DLGAP2: variants seen among roughly 807,000 people sequenced by gnomAD.
DLGAP2 encodes DLG associated protein 2.
A neutral mutation model predicts 100.3 loss-of-function variants in DLGAP2; 26 were observed. The ratio of observed to expected loss-of-function variants is 0.26; its 90% CI spans 0.19 to 0.36. The LOEUF is 0.36. Among genes scored for constraint, DLGAP2 ranks in the 10% least tolerant of loss-of-function variants. The pLI, the probability that DLGAP2 is intolerant of heterozygous loss-of-function variation, is 1.00. For synonymous variants in DLGAP2, 886 were observed against 630.1 expected (o/e 1.41, Z -6.08); for missense variants, 1,858 against 1,453.2 (o/e 1.28, Z -4.53).
chr8:1,366,024 C>G (rs1802100416), intron 3 of DLGAP2, among the ~76,000 whole-genome samples: 1 of 152,212 alleles, frequency 6.6e-6, no homozygotes, highest in African/African-American at 2.4e-5. Flanking sequence ...TGGCTTCTGC[C>G]ACAGAGGTGC....
chr8:1,093,214 C>G (rs1473942495), intron 2 of DLGAP2, among the ~76,000 whole-genome samples: 1 of 152,242 alleles, frequency 6.6e-6, no homozygotes. Flanking sequence ...CTAAAAAACA[C>G]CTTCACACCA....
chr8:1,504,408 A>G (rs907164947), intron 4 of DLGAP2, among the ~76,000 whole-genome samples: 2 of 152,200 alleles, frequency 1.3e-5, no homozygotes, highest in Admixed American at 1.3e-4. Context: ...TGTGCTTTTA[A>G]GAACATTTAA....
rs1014751611 is a variant in DLGAP2 at position 1,008,794 on chromosome 8, C to T, written c.73+100828C>T. Among the ~76,000 whole-genome samples, 8 of 152,350 alleles carry T rather than the reference C, an allele frequency of 5.3e-5. No individual in the cohort carries two copies. The South Asian group carries it at 6.2e-4, about 12-fold the overall frequency. The stretch of plus-strand genomic sequence containing the variant: ...AACCTCCACCTGCTGCATGGTGCTG[C>T]GCCCCCACTGGTGTGCATGGGAACT... On this transcript the variant is annotated intron_variant, in intron 2 of 14. Transcript: ENST00000637795.
chr8:1,102,713 C>T (rs1469059745), intron 2 of DLGAP2, among the ~76,000 whole-genome samples: 2 of 152,098 alleles, frequency 1.3e-5, no homozygotes, highest in African/African-American at 4.8e-5. Context: ...GGGATTTAGG[C>T]ACCTTTGCGT....
At chr8:1,383,545 G>C (rs938997802) in intron 3 of DLGAP2, among the ~76,000 whole-genome samples, 3 of 152,162 alleles carry the variant, frequency 2.0e-5, no homozygotes, top group Non-Finnish European at 2.9e-5. Context: ...CGACGTTACC[G>C]GTCTGAGGAG....
In DLGAP2 at chr8:1,189,040, C is replaced by T. The variant is rs1017463035; in HGVS notation, c.74-69811C>T. Among the ~76,000 whole-genome samples, 49 of 148,314 alleles carry T rather than the reference C, an allele frequency of 3.3e-4. 2 individuals are homozygous for T. Among genetic ancestry groups the T allele is most frequent in the Non-Finnish European group, 6.1e-4 (41 of 67,672 alleles). ...CAGGGTTCGGGCCCCATGGCGGTTC[C>T]GCTGTTGGGGTTGAGCATACACAGG... is the stretch of plus-strand genomic sequence containing the variant. On this transcript the variant is annotated intron_variant, in intron 2 of 14. Transcript: ENST00000637795.
chr8:1,501,578 T>C (rs1280807735), intron 4 of DLGAP2, 147 bp downstream of exon 4: 3 of 801,416 alleles, frequency 3.7e-6, no homozygotes, highest in Admixed American at 2.9e-5. Context: ...AATGCGGCAC[T>C]TTTTTCCAAA....
At chr8:1,663,187 G>A (rs1025925231) in intron 8 of DLGAP2, among the ~76,000 whole-genome samples, 7 of 151,544 alleles carry the variant, frequency 4.6e-5, no homozygotes, top group African/African-American at 1.5e-4. Flanking sequence ...GTGTGAGTGT[G>A]GGGTATGACT....
At chr8:952,319 A>G (rs1799501056) in intron 2 of DLGAP2, among the ~76,000 whole-genome samples, 1 of 152,200 alleles carries the variant, frequency 6.6e-6, no homozygotes, top group Non-Finnish European at 1.5e-5. Flanking sequence ...GCTTCTGTTT[A>G]TGTCTCTTGA....
intron 2 of DLGAP2, among the ~76,000 whole-genome samples, chr8:1,093,889 G>A (rs1441826461): frequency 1.3e-5 from 2 of 152,190 alleles, no homozygotes; most frequent in Non-Finnish European, 1.5e-5. Context: ...GGTGCCAGCC[G>A]AGGGGTCTGT....
At chr8:1,366,778 C>A (rs1037904342) in intron 3 of DLGAP2, among the ~76,000 whole-genome samples, 1 of 152,152 alleles carries the variant, frequency 6.6e-6, no homozygotes, top group Non-Finnish European at 1.5e-5. Flanking sequence ...CTCGGGTCCC[C>A]GCAGCACGTT....
At chr8:1,312,579 T>C (rs1800638403) in intron 3 of DLGAP2, among the ~76,000 whole-genome samples, 1 of 152,248 alleles carries the variant, frequency 6.6e-6, no homozygotes, top group Non-Finnish European at 1.5e-5. Flanking sequence ...ATAGAGGTTC[T>C]ATTTGGACAT....
intron 4 of DLGAP2, among the ~76,000 whole-genome samples, chr8:1,504,715 T>G (rs886289612): frequency 6.6e-6 from 1 of 152,214 alleles, no homozygotes; most frequent in Admixed American, 6.5e-5. Flanking sequence ...TTGCAAATGC[T>G]AGGATTTCTC....
At chr8:1,648,210 G>T (rs1354597772) in intron 8 of DLGAP2, among the ~76,000 whole-genome samples, 1 of 152,160 alleles carries the variant, frequency 6.6e-6, no homozygotes, top group South Asian at 2.1e-4. Flanking sequence ...AGAGGACTCT[G>T]ACGTTTAAGT....
intron 3 of DLGAP2, among the ~76,000 whole-genome samples, chr8:1,318,874 C>T (rs1800830149): frequency 6.8e-6 from 1 of 147,094 alleles, no homozygotes; most frequent in Non-Finnish European, 1.5e-5. Context: ...TAATGATGTC[C>T]TTTCACCACT....
intron 3 of DLGAP2, among the ~76,000 whole-genome samples, chr8:1,359,057 G>A (rs1340486099): frequency 6.6e-6 from 1 of 152,166 alleles, no homozygotes; most frequent in Admixed American, 6.5e-5. Flanking sequence ...AGGTCGGGGT[G>A]GGGCCCACGA....
chr8:1,184,353 G>C (rs1371274369), intron 2 of DLGAP2, among the ~76,000 whole-genome samples: 1 of 152,384 alleles, frequency 6.6e-6, no homozygotes, highest in East Asian at 1.9e-4. Context: ...AGACTGGAGT[G>C]TGGGCGCTTC....
At chr8:797,855 A>G (rs894808163) in intron 1 of DLGAP2, among the ~76,000 whole-genome samples, 3 of 152,148 alleles carry the variant, frequency 2.0e-5, no homozygotes, top group Non-Finnish European at 2.9e-5. Flanking sequence ...GGTTCAAGCA[A>G]TTCTCCTGCT....
chr8:1,221,840 A>T (rs147938677), intron 2 of DLGAP2, among the ~76,000 whole-genome samples: 2 of 152,288 alleles, frequency 1.3e-5, no homozygotes, highest in East Asian at 3.9e-4. Flanking sequence ...ATTGAATTGA[A>T]GGAGTGGTCT....
Sources: gnomAD v4.1 joint callset for allele counts (sites outside exome capture counted in the v4.1 genomes callset) on GRCh38, gnomAD v4.1.1 for gene constraint, MANE v1.5 for transcripts, NCBI Gene and HGNC (gene_info 2026-07-23, HGNC 2026-07-21) for gene names.